ARK2N: variants seen among roughly 807,000 people sequenced by gnomAD.
ARK2N encodes protein ARK2N.
the ARK2N span, among the ~76,000 whole-genome samples, chr18:46,212,475 A>G: frequency 6.6e-6 from 1 of 152,108 alleles, no homozygotes; most frequent in Non-Finnish European, 1.5e-5. Flanking sequence ...TTTTTTCATT[A>G]AAATTGCGTG....
the ARK2N span, among the ~76,000 whole-genome samples, chr18:46,180,909 G>C: frequency 7.9e-5 from 12 of 152,076 alleles, no homozygotes; most frequent in Non-Finnish European, 1.6e-4. Flanking sequence ...TTTAAATAAG[G>C]TATTAGAAAA....
At chr18:46,176,889 T>G in the ARK2N span, among the ~76,000 whole-genome samples, 1 of 152,184 alleles carries the variant, frequency 6.6e-6, no homozygotes, top group African/African-American at 2.4e-5. Flanking sequence ...GTGCTGGGAT[T>G]ACAGGTGTGA....
chr18:46,221,981 A>G, the ARK2N span, among the ~76,000 whole-genome samples: 1 of 152,246 alleles, frequency 6.6e-6, no homozygotes, highest in Non-Finnish European at 1.5e-5. Flanking sequence ...ATAATCAGGT[A>G]AAAACTGTCT....
the ARK2N span, among the ~76,000 whole-genome samples, chr18:46,242,235 A>G: frequency 6.6e-6 from 1 of 152,192 alleles, no homozygotes. Flanking sequence ...ATTTTATGGT[A>G]AAGTTTTGGG....
chr18:46,224,192 C>T, the ARK2N span, among the ~76,000 whole-genome samples: 4 of 152,166 alleles, frequency 2.6e-5, no homozygotes, highest in Admixed American at 1.3e-4. Context: ...GCACTTCAGC[C>T]ATTAATGAAT....
the ARK2N span, chr18:46,217,416 A>G: frequency 1.3e-5 from 2 of 152,210 alleles, no homozygotes; most frequent in African/African-American, 4.8e-5. Flanking sequence ...TTACAATATG[A>G]TCAGGAACAT....
the ARK2N span, among the ~76,000 whole-genome samples, chr18:46,188,055 A>G: frequency 5.9e-5 from 9 of 152,154 alleles, no homozygotes; most frequent in Non-Finnish European, 8.8e-5. Context: ...TAAGCACAGT[A>G]TGGAAGTTTT....
At chr18:46,248,589 G>T in the ARK2N span, among the ~76,000 whole-genome samples, 5 of 151,958 alleles carry the variant, frequency 3.3e-5, no homozygotes, top group Non-Finnish European at 7.4e-5. Context: ...TTGTTTGTTT[G>T]TTTGTTTTTT....
At chr18:46,173,982 G>C in the ARK2N span, 1 of 152,380 alleles carries the variant, frequency 6.6e-6, no homozygotes, top group Admixed American at 6.5e-5. Flanking sequence ...AGAGGTCTCC[G>C]GCGCAGCTGC....
chr18:46,213,359 C>T, the ARK2N span, among the ~76,000 whole-genome samples: 1 of 152,016 alleles, frequency 6.6e-6, no homozygotes, highest in African/African-American at 2.4e-5. Context: ...AATTAACTCT[C>T]ATTTTTATTC....
At chr18:46,196,782 A>G in the ARK2N span, among the ~76,000 whole-genome samples, 125 of 152,304 alleles carry the variant, frequency 8.2e-4, 1 homozygote, top group Non-Finnish European at 1.4e-3. Flanking sequence ...GGCTTCAGTT[A>G]TTTGTAGACC....
At chr18:46,207,805 C>T in the ARK2N span, among the ~76,000 whole-genome samples, 4 of 152,222 alleles carry the variant, frequency 2.6e-5, no homozygotes, top group Non-Finnish European at 2.9e-5. Flanking sequence ...GTTTCATTCA[C>T]AGCACTCTTG....
chr18:46,215,107 T>C, the ARK2N span, among the ~76,000 whole-genome samples: 1 of 152,136 alleles, frequency 6.6e-6, no homozygotes, highest in Non-Finnish European at 1.5e-5. Context: ...TCACTTGAGC[T>C]CAGGAGTTCG....
At chr18:46,207,715 C>T in the ARK2N span, among the ~76,000 whole-genome samples, 3 of 152,138 alleles carry the variant, frequency 2.0e-5, no homozygotes, top group African/African-American at 7.2e-5. Context: ...TGCAGGTGTA[C>T]ATTGATTTAC....
At chr18:46,189,212 C>CAAAAAAAAA in the ARK2N span, among the ~76,000 whole-genome samples, 27 of 86,868 alleles carry the variant, frequency 3.1e-4, 1 homozygote, top group African/African-American at 1.3e-3. Context: ...GAGACTGTCT[C>CAAAAAAAAA]AAAAAAAAAA....
chr18:46,222,585 C>G, the ARK2N span, among the ~76,000 whole-genome samples: 1 of 152,024 alleles, frequency 6.6e-6, no homozygotes, highest in African/African-American at 2.4e-5. Flanking sequence ...AAGTGAGTGC[C>G]TATATTAACT....
the ARK2N span, among the ~76,000 whole-genome samples, chr18:46,210,809 G>C: frequency 1.3e-5 from 2 of 152,030 alleles, no homozygotes; most frequent in African/African-American, 4.8e-5. Context: ...ACTTGAGGGG[G>C]CTGAGGCGGG....
the ARK2N span, among the ~76,000 whole-genome samples, chr18:46,229,679 C>T: frequency 9.9e-5 from 15 of 152,054 alleles, no homozygotes; most frequent in African/African-American, 1.7e-4. Flanking sequence ...TGCAGTGGCA[C>T]GATCACAGCT....
the ARK2N span, among the ~76,000 whole-genome samples, chr18:46,246,996 T>C: frequency 1.2e-3 from 187 of 151,732 alleles, 1 homozygote; most frequent in African/African-American, 4.0e-3. Context: ...TTTTAGCATA[T>C]CATCTGGGTT....
Sources: gnomAD v4.1 joint callset for allele counts (sites outside exome capture counted in the v4.1 genomes callset) on GRCh38, gnomAD v4.1.1 for gene constraint, MANE v1.5 for transcripts, NCBI Gene and HGNC (gene_info 2026-07-23, HGNC 2026-07-21) for gene names.